VPS13B: variants seen among roughly 807,000 people sequenced by gnomAD.
VPS13B encodes the protein intermembrane lipid transfer protein VPS13B.
VPS13B carries 285 observed loss-of-function variants against 426.4 expected under a neutral mutation model. The ratio of observed to expected loss-of-function variants is 0.67; its 90% CI spans 0.61 to 0.74. The LOEUF (loss-of-function observed/expected upper bound fraction) is 0.74. Among genes scored for constraint, VPS13B ranks in the 30% least tolerant of loss-of-function variants. VPS13B has a pLI of 0.00. For synonymous variants in VPS13B, 1,676 were observed against 1,676.4 expected, an observed-to-expected ratio of 1.00 and a Z score of 0.01; for missense variants, 4,537 against 4,782.6, an observed-to-expected ratio of 0.95 and a Z score of 1.51.
At chr8:99,637,559 C>T (rs1221674728) in intron 33 of VPS13B, among the ~76,000 whole-genome samples, 1 of 152,074 alleles carries the variant, frequency 6.6e-6, no homozygotes, top group Non-Finnish European at 1.5e-5. Context: ...GTGACCTGAG[C>T]TGATAGCTGC....
intron 19 of VPS13B, among the ~76,000 whole-genome samples, chr8:99,293,415 G>A (rs1284101555): frequency 2.9e-5 from 3 of 103,598 alleles, no homozygotes; most frequent in Non-Finnish European, 3.9e-5. Flanking sequence ...AGATTTAAAC[G>A]TTAGACCTAA....
intron 39 of VPS13B, among the ~76,000 whole-genome samples, chr8:99,733,310 G>A (rs753567684): frequency 6.6e-5 from 10 of 152,166 alleles, no homozygotes; most frequent in African/African-American, 1.2e-4. Flanking sequence ...GCTGTTAAGA[G>A]CACAGATTCT....
At chr8:99,190,406 T>C (rs910254593) in intron 16 of VPS13B, among the ~76,000 whole-genome samples, 1 of 152,110 alleles carries the variant, frequency 6.6e-6, no homozygotes, top group African/African-American at 2.4e-5. Context: ...CGTTTGAGAC[T>C]TAATACTATA....
chr8:99,220,628 T>C (rs1410796635), intron 17 of VPS13B, among the ~76,000 whole-genome samples: 2 of 152,170 alleles, frequency 1.3e-5, no homozygotes, highest in Admixed American at 6.5e-5. Flanking sequence ...AGAAAAGTTA[T>C]GGAGTTTTGG....
intron 19 of VPS13B, among the ~76,000 whole-genome samples, chr8:99,350,780 A>T (rs566411095): frequency 1.3e-5 from 2 of 151,942 alleles, no homozygotes; most frequent in South Asian, 4.1e-4. Flanking sequence ...ATGAATATGC[A>T]ATATGTAATT....
At chr8:99,044,286 T>C (rs1209970331) in intron 3 of VPS13B, among the ~76,000 whole-genome samples, 12 of 151,846 alleles carry the variant, frequency 7.9e-5, no homozygotes, top group African/African-American at 2.9e-4. Flanking sequence ...GGTTTCACCA[T>C]GTTAGCCAGG....
At chr8:99,700,092 A>C (rs1393602560) in intron 36 of VPS13B, among the ~76,000 whole-genome samples, 160 bp downstream of exon 36, 1 of 152,232 alleles carries the variant, frequency 6.6e-6, no homozygotes, top group Non-Finnish European at 1.5e-5. Context: ...ATTTTTAGAG[A>C]TAATTTTAGA....
At chr8:99,634,820 CTAAGA>C (rs1230641899) in intron 33 of VPS13B, among the ~76,000 whole-genome samples, 1 of 151,610 alleles carries the variant, frequency 6.6e-6, no homozygotes, top group Admixed American at 6.6e-5. Context: ...AATGTGCTTG[CTAAGA>C]TAAATTTCAT....
At chr8:99,429,919 T>C (rs1021619394) in intron 21 of VPS13B, among the ~76,000 whole-genome samples, 1 of 152,178 alleles carries the variant, frequency 6.6e-6, no homozygotes, top group East Asian at 1.9e-4. Flanking sequence ...ACCTGGTCCC[T>C]ATATATAGCT....
intron 33 of VPS13B, among the ~76,000 whole-genome samples, chr8:99,637,557 A>T (rs1387012643): frequency 1.3e-5 from 2 of 152,084 alleles, no homozygotes; most frequent in Non-Finnish European, 2.9e-5. Context: ...TTGTGACCTG[A>T]GCTGATAGCT....
chr8:99,032,616 G>A (rs533935627), intron 2 of VPS13B, among the ~76,000 whole-genome samples: 2 of 148,782 alleles, frequency 1.3e-5, no homozygotes, highest in Non-Finnish European at 3.0e-5. Flanking sequence ...TGTAAGCTCC[G>A]CCTCCCGGGT....
chr8:99,621,303 A>G (rs1828338174), intron 33 of VPS13B, among the ~76,000 whole-genome samples: 1 of 152,178 alleles, frequency 6.6e-6, no homozygotes, highest in Admixed American at 6.5e-5. Flanking sequence ...CTCCATAAAT[A>G]AGGATGAAGG....
intron 39 of VPS13B, among the ~76,000 whole-genome samples, chr8:99,742,595 T>A (rs903086916): frequency 7.2e-5 from 11 of 152,166 alleles, no homozygotes; most frequent in South Asian, 2.1e-4. Context: ...TGGCAAACCG[T>A]ATCCAGCAGC....
chr8:99,823,133 G>A (rs1814473670), intron 50 of VPS13B, among the ~76,000 whole-genome samples: 1 of 152,162 alleles, frequency 6.6e-6, no homozygotes, highest in Non-Finnish European at 1.5e-5. Flanking sequence ...GTTAAGAGCA[G>A]CACCACAGAG....
chr8:99,499,994 A>G (rs1446995676), intron 25 of VPS13B, among the ~76,000 whole-genome samples: 2 of 152,192 alleles, frequency 1.3e-5, no homozygotes, highest in East Asian at 1.9e-4. Flanking sequence ...TAAAAGCCTC[A>G]TGTAGGAGCT....
chr8:99,330,607 C>G (rs1027991849), intron 19 of VPS13B, among the ~76,000 whole-genome samples: 2 of 151,842 alleles, frequency 1.3e-5, no homozygotes, highest in African/African-American at 4.8e-5. Flanking sequence ...TTTTGTTTAT[C>G]TAAGCACTTA....
chr8:99,254,042 T>C (rs1817633618), intron 17 of VPS13B, among the ~76,000 whole-genome samples: 1 of 152,172 alleles, frequency 6.6e-6, no homozygotes, highest in African/African-American at 2.4e-5. Context: ...GAGAACCATA[T>C]CAGATATTAT....
chr8:99,100,000 A>G (rs552693255), intron 4 of VPS13B, among the ~76,000 whole-genome samples: 1 of 152,280 alleles, frequency 6.6e-6, no homozygotes, highest in South Asian at 2.1e-4. Flanking sequence ...TGATGAACAA[A>G]TATACTCCCA....
chr8:99,584,352 C>T (rs1038338282), intron 33 of VPS13B, among the ~76,000 whole-genome samples: 1 of 152,104 alleles, frequency 6.6e-6, no homozygotes, highest in African/African-American at 2.4e-5. Flanking sequence ...ATCAAGAAGA[C>T]AATAAAATTT....
Sources: allele counts gnomAD v4.1 joint callset (sites outside exome capture counted in the v4.1 genomes callset), GRCh38; gene constraint gnomAD v4.1.1; transcripts MANE v1.5; gene names NCBI Gene and HGNC (gene_info 2026-07-23, HGNC 2026-07-21).